CDH11: variants seen among roughly 807,000 people sequenced by gnomAD.
CDH11 encodes the protein cadherin-11.
A neutral mutation model predicts 67.8 loss-of-function variants in CDH11; 11 were observed. The observed-to-expected ratio is 0.16, with a 90% CI of 0.10 to 0.27. The LOEUF is 0.27. Among genes scored for constraint, CDH11 ranks in the 10% least tolerant of loss-of-function variants. The pLI is 1.00. For missense variants in CDH11, 847 were observed against 1,031.2 expected, an observed-to-expected ratio of 0.82 and a Z score of 2.45; for synonymous variants, 419 against 400.0, an observed-to-expected ratio of 1.05 and a Z score of -0.57.
chr16:64,999,989 G>A (rs2142514754), intron 3 of CDH11, among the ~76,000 whole-genome samples: 1 of 152,292 alleles, frequency 6.6e-6, no homozygotes, highest in Middle Eastern at 3.4e-3. Flanking sequence ...TGGGGATGTG[G>A]CCTGCCTGGA....
chr16:65,089,311 A>C (rs1309034423), intron 1 of CDH11, among the ~76,000 whole-genome samples: 2 of 152,174 alleles, frequency 1.3e-5, no homozygotes, highest in African/African-American at 4.8e-5. Flanking sequence ...TCATAGCAAA[A>C]AGGAAAAAGA....
At chr16:65,058,159 C>T (rs911601180) in intron 1 of CDH11, among the ~76,000 whole-genome samples, 2 of 152,084 alleles carry the variant, frequency 1.3e-5, no homozygotes, top group African/African-American at 2.4e-5. Context: ...GGGATCGAGG[C>T]TGCAGTGAGC....
intron 8 of CDH11, among the ~76,000 whole-genome samples, chr16:64,979,023 G>T (rs2142447947): frequency 6.6e-6 from 1 of 152,170 alleles, no homozygotes; most frequent in East Asian, 1.9e-4. Flanking sequence ...ACCTGATAAG[G>T]CCCTACCATT....
At chr16:64,972,831 A>G in intron 9 of CDH11, 73 bp downstream of exon 9, 1 of 1,495,660 alleles carries the variant, frequency 6.7e-7, no homozygotes. Flanking sequence ...CAGCTATTTT[A>G]CTTTCCAGAA....
chr16:64,981,252 C>G (rs1212220754), intron 8 of CDH11: 1 of 151,894 alleles, frequency 6.6e-6, no homozygotes, highest in Admixed American at 6.6e-5. Context: ...ATTACAGGTG[C>G]ATGCCACCAT....
At chr16:64,950,044 C>A (rs2071315605) in intron 12 of CDH11, among the ~76,000 whole-genome samples, 1 of 152,114 alleles carries the variant, frequency 6.6e-6, no homozygotes, top group African/African-American at 2.4e-5. Flanking sequence ...AGGTTTGAAT[C>A]CTGATTTGGT....
At chr16:64,975,726 A>T (rs570657226) in intron 8 of CDH11, among the ~76,000 whole-genome samples, 1 of 152,278 alleles carries the variant, frequency 6.6e-6, no homozygotes, top group South Asian at 2.1e-4. Flanking sequence ...TTTTAAATAA[A>T]TTTTTATAAA....
At chr16:65,050,253 T>G (rs1486548677) in intron 2 of CDH11, among the ~76,000 whole-genome samples, 1 of 152,186 alleles carries the variant, frequency 6.6e-6, no homozygotes, top group Non-Finnish European at 1.5e-5. Context: ...AAGACATGTG[T>G]GCTAGAAACG....
intron 1 of CDH11, among the ~76,000 whole-genome samples, chr16:65,078,870 C>T (rs978357308): frequency 3.3e-5 from 5 of 152,200 alleles, no homozygotes; most frequent in African/African-American, 9.7e-5. Flanking sequence ...CCTGGGGCTG[C>T]TGACTGCCTG....
intron 4 of CDH11, among the ~76,000 whole-genome samples, chr16:64,996,232 G>A (rs2072759817): frequency 6.6e-6 from 1 of 152,198 alleles, no homozygotes; most frequent in African/African-American, 2.4e-5. Flanking sequence ...GCTTATGCCT[G>A]TAATCCTAGC....
intron 1 of CDH11, among the ~76,000 whole-genome samples, chr16:65,101,212 C>G (rs12445232): frequency 0.36 from 55,217 of 152,046 alleles, 10,634 homozygotes; most frequent in Admixed American, 0.49. Context: ...ATGCATACCA[C>G]TCTCCTAATC....
At chr16:65,072,165 G>T (rs950599740) in intron 1 of CDH11, 4 of 152,310 alleles carry the variant, frequency 2.6e-5, no homozygotes, top group African/African-American at 9.7e-5. Context: ...GACACCTCAT[G>T]TGGGGAGACC....
intron 2 of CDH11, among the ~76,000 whole-genome samples, chr16:65,051,390 G>T (rs1401543153): frequency 6.6e-6 from 1 of 152,152 alleles, no homozygotes; most frequent in Non-Finnish European, 1.5e-5. Flanking sequence ...CTGGCCTTAT[G>T]TGGAGGTAAT....
intron 6 of CDH11, among the ~76,000 whole-genome samples, chr16:64,989,720 T>A (rs898469865): frequency 6.6e-6 from 1 of 152,148 alleles, no homozygotes; most frequent in Non-Finnish European, 1.5e-5. Context: ...ACTGGAAGGT[T>A]TGCACTAAGT....
rs571993104 is a variant in CDH11 at position 64,947,365 on chromosome 16, T to G, written c.*238A>C. 5.7e-4 allele frequency: 714 copies of G among 1,260,240 alleles called. 2 individuals carry two copies. Among genetic ancestry groups the G allele is most frequent in the South Asian group, 3.2e-3 (129 of 39,768 alleles). The allele number at this position is 1,260,240 out of a possible 1,614,324, so 78.1% of individuals were successfully genotyped here. ...CTTAAATATTTTGTATGCCAAGTGT[T>G]TTTTTTTTCTAGCGAAGTTGATAAA... On this transcript the variant is annotated 3_prime_UTR_variant, in exon 13 of 13. Transcript: ENST00000268603.
intron 2 of CDH11, among the ~76,000 whole-genome samples, chr16:65,040,577 G>A (rs1180138507): frequency 1.3e-5 from 2 of 151,892 alleles, no homozygotes; most frequent in Admixed American, 6.6e-5. Flanking sequence ...GAGGAGGGAG[G>A]GATGGCATTA....
chr16:64,982,527 A>T, intron 7 of CDH11: 1 of 508,360 alleles, frequency 2.0e-6, no homozygotes, highest in Non-Finnish European at 3.5e-6. Flanking sequence ...AGACACAGAA[A>T]GACCACGTCA....
At chr16:64,988,105 T>C in intron 7 of CDH11, 52 bp downstream of exon 7, 1 of 1,420,916 alleles carries the variant, frequency 7.0e-7, no homozygotes, top group Non-Finnish European at 9.5e-7. Flanking sequence ...CAGTGTTGCC[T>C]TGGCAGAGCA....
intron 8 of CDH11, among the ~76,000 whole-genome samples, chr16:64,973,832 T>C (rs992465508): frequency 6.6e-6 from 1 of 151,410 alleles, no homozygotes; most frequent in African/African-American, 2.4e-5. Context: ...AAAAGAAAAA[T>C]GTTCACTACA....
Sources: gnomAD v4.1 joint callset for allele counts (sites outside exome capture counted in the v4.1 genomes callset) on GRCh38, gnomAD v4.1.1 for gene constraint, MANE v1.5 for transcripts, NCBI Gene and HGNC (gene_info 2026-07-23, HGNC 2026-07-21) for gene names.